The following PSMA8 variants were observed in gnomAD, a reference collection of about 807,000 sequenced individuals.
PSMA8 encodes the protein proteasome subunit alpha-type 8.
In PSMA8, 18 loss-of-function variants were observed where a neutral mutation model predicts 32.4. That is an observed-to-expected ratio of 0.56 (90% CI 0.38 to 0.82). The LOEUF is 0.82. Among genes scored for constraint, PSMA8 ranks in the 40% least tolerant of loss-of-function variants. PSMA8 has a pLI of 0.00. For synonymous variants in PSMA8, 104 were observed against 98.1 expected (o/e 1.06, Z -0.36); for missense variants, 298 against 300.7 (o/e 0.99, Z 0.07).
chr18:26,177,523 T>A (rs1403926007), intron 4 of PSMA8, among the ~76,000 whole-genome samples: 1 of 152,220 alleles, frequency 6.6e-6, no homozygotes. Context: ...ATAAGTGTTC[T>A]GTTAATATAA....
chr18:26,174,705 C>G (rs549623902), intron 4 of PSMA8, among the ~76,000 whole-genome samples: 6 of 152,250 alleles, frequency 3.9e-5, no homozygotes, highest in Admixed American at 3.9e-4. Context: ...TTAACTACGT[C>G]GTATACTTCT....
At chr18:26,137,994 G>T (rs1033399416) in intron 1 of PSMA8, among the ~76,000 whole-genome samples, 19 of 152,142 alleles carry the variant, frequency 1.2e-4, no homozygotes, top group African/African-American at 4.1e-4. Context: ...GAAAAGGACA[G>T]CTATGTTCTG....
rs766316937 is a variant in PSMA8, at chr18:26,192,340, G to C, written c.682G>C (p.Glu228Gln). Residue 228 changes from glutamate (E) to glutamine (Q), a missense_variant, in exon 7 of 7, where the codon GAA becomes CAA. By Grantham distance (29) the Glu-to-Gln change is conservative. Transcript: ENST00000415576. The stretch of plus-strand genomic sequence containing the variant: ...TCAGATGTTTAGTGCAAAAGAAGTT[G>C]AATTATATGTAACTGAAATAGAAAA... ...PLKMFSAKEV[E>Q]LYVTEIEKEK... 13 of 1,513,144 alleles carry C rather than the reference G, an allele frequency of 8.6e-6. No homozygotes were observed. Among genetic ancestry groups the C allele is most frequent in the Non-Finnish European group, 1.1e-5 (13 of 1,142,760 alleles). 93.7% of individuals were successfully genotyped at this position (1,513,144 alleles called of 1,614,324 possible).
At chr18:26,141,991 T>C (rs1291157245) in intron 1 of PSMA8, among the ~76,000 whole-genome samples, 1 of 151,766 alleles carries the variant, frequency 6.6e-6, no homozygotes, top group Non-Finnish European at 1.5e-5. Flanking sequence ...CAGCCAGGCC[T>C]AGTTCTACAT....
chr18:26,180,531 CAG>C (rs1188963662), intron 6 of PSMA8, among the ~76,000 whole-genome samples: 1 of 152,094 alleles, frequency 6.6e-6, no homozygotes. Context: ...ACATAAATTA[CAG>C]AGTGCTGAGC....
intron 4 of PSMA8, among the ~76,000 whole-genome samples, chr18:26,166,060 C>T (rs893298954): frequency 6.6e-6 from 1 of 152,018 alleles, no homozygotes; most frequent in South Asian, 2.1e-4. Context: ...CAAGGTCCTG[C>T]CATTGCATTC....
intron 4 of PSMA8, among the ~76,000 whole-genome samples, chr18:26,172,409 TG>T (rs2055229527): frequency 2.0e-5 from 3 of 152,196 alleles, no homozygotes. Context: ...CATAAATAAA[TG>T]GGCATAGTGA....
chr18:26,159,457 C>T lies in PSMA8; in HGVS notation c.477+1213C>T, dbSNP rs550740492. On this transcript the variant is annotated intron_variant, in intron 4 of 6. Transcript: ENST00000415576. ...CCATTTTTTCCTGTCAACTAGAGAT[C>T]TCTTACCTGTACTAGATTTCTTGTC... 1.7e-4 allele frequency among the ~76,000 whole-genome samples: 26 copies of T among 152,212 alleles called. 1 individual carries two copies. The South Asian group carries it at 4.6e-3, about 27-fold the overall frequency.
intron 4 of PSMA8, among the ~76,000 whole-genome samples, chr18:26,175,579 G>A (rs1201633291): frequency 2.6e-5 from 4 of 152,216 alleles, no homozygotes; most frequent in African/African-American, 9.6e-5. Context: ...TCCCAAGGGA[G>A]TTAAGAGCTG....
At chr18:26,154,988 G>C (rs2055076738) in intron 3 of PSMA8, among the ~76,000 whole-genome samples, 1 of 152,110 alleles carries the variant, frequency 6.6e-6, no homozygotes, top group Non-Finnish European at 1.5e-5. Context: ...AGCACTTCGG[G>C]AGGCCAAGGT....
At chr18:26,184,822 C>T (rs1221362203) in intron 6 of PSMA8, among the ~76,000 whole-genome samples, 3 of 146,250 alleles carry the variant, frequency 2.1e-5, no homozygotes, top group Non-Finnish European at 4.5e-5. Context: ...CACAGTGGCT[C>T]ATGCATGTAA....
In PSMA8 at chr18:26,173,235, A is replaced by G. The variant is rs537903064; in HGVS notation, c.478-5595A>G. On this transcript the variant is annotated intron_variant, in intron 4 of 6. Coordinates refer to ENST00000415576, the MANE Select transcript of PSMA8 (RefSeq NM_001025096.2). ...CTCCGTTGCTTTCCTACTCAGCCACACTGGCCTCTTTACTGTTCTTCAGAG... is the reference window on the plus strand; with the variant it reads ...CTCCGTTGCTTTCCTACTCAGCCACGCTGGCCTCTTTACTGTTCTTCAGAG... 2.4e-4 allele frequency among the ~76,000 whole-genome samples: 37 copies of G among 152,226 alleles called. No homozygotes were observed. In the South Asian group the frequency reaches 2.5e-3, roughly 10 times the overall value.
intron 3 of PSMA8, among the ~76,000 whole-genome samples, chr18:26,155,939 C>T (rs2055085489): frequency 6.6e-6 from 1 of 152,106 alleles, no homozygotes; most frequent in Admixed American, 6.5e-5. Flanking sequence ...GTACGAGGAA[C>T]TCAAAGAACT....
chr18:26,158,994 C>G (rs1165618439), intron 4 of PSMA8, among the ~76,000 whole-genome samples: 1 of 151,950 alleles, frequency 6.6e-6, no homozygotes, highest in Non-Finnish European at 1.5e-5. Context: ...CCAAACAATG[C>G]CCCCCTGCCC....
intron 4 of PSMA8, 39 bp downstream of exon 4, chr18:26,158,283 G>A: frequency 6.7e-7 from 1 of 1,494,866 alleles, no homozygotes; most frequent in Non-Finnish European, 9.1e-7. Flanking sequence ...TAGAAGTTTA[G>A]TAAATATTCA....
At chr18:26,144,023 C>T (rs9646559) in intron 1 of PSMA8, among the ~76,000 whole-genome samples, 33 of 152,090 alleles carry the variant, frequency 2.2e-4, no homozygotes, top group Non-Finnish European at 4.1e-4. Flanking sequence ...CGTGCCCAGC[C>T]TTATCATACT....
At chr18:26,181,099 T>C (rs944934304) in intron 6 of PSMA8, among the ~76,000 whole-genome samples, 1 of 152,258 alleles carries the variant, frequency 6.6e-6, no homozygotes, top group Non-Finnish European at 1.5e-5. Flanking sequence ...TGAGCAAGTC[T>C]GTCAATTCCA....
chr18:26,184,230 G>T (rs1316980499), intron 6 of PSMA8, among the ~76,000 whole-genome samples: 1 of 150,546 alleles, frequency 6.6e-6, no homozygotes, highest in Middle Eastern at 3.2e-3. Context: ...ATATCAATAT[G>T]TAGTCTGTTT....
intron 6 of PSMA8, among the ~76,000 whole-genome samples, chr18:26,188,577 G>T (rs956937695): frequency 1.3e-5 from 2 of 152,080 alleles, no homozygotes; most frequent in African/African-American, 4.8e-5. Context: ...GAATCATATT[G>T]CCTGACTTCA....
Sources: gnomAD v4.1 joint callset for allele counts (sites outside exome capture counted in the v4.1 genomes callset) on GRCh38, gnomAD v4.1.1 for gene constraint, MANE v1.5 for transcripts, NCBI Gene and HGNC (gene_info 2026-07-23, HGNC 2026-07-21) for gene names.